The following ARMH1 variants were observed in gnomAD, a reference collection of about 807,000 sequenced individuals.
ARMH1 encodes armadillo like helical domain containing 1.
Under a neutral mutation model 50.2 loss-of-function variants are expected in ARMH1, and 34 were observed. The observed-to-expected ratio is 0.68, with a 90% CI of 0.51 to 0.90. The LOEUF (loss-of-function observed/expected upper bound fraction) is 0.90, where lower values mean the gene tolerates loss of function less well. Ranked by LOEUF, ARMH1 falls within the 40% of genes least tolerant of loss-of-function variation. The probability of loss-of-function intolerance (pLI) is 0.00; values close to 1 mark genes in which losing one functional copy is unlikely to be tolerated. For missense variants in ARMH1, 538 were observed against 553.9 expected (o/e 0.97, Z 0.29); for synonymous variants, 221 against 224.2 (o/e 0.99, Z 0.13).
At chr1:44,710,461 T>C (rs1646553648) in intron 6 of ARMH1, among the ~76,000 whole-genome samples, 1 of 151,572 alleles carries the variant, frequency 6.6e-6, no homozygotes. Flanking sequence ...TACAAAAAAT[T>C]AGCCGGGCGT....
At chr1:44,678,497 T>C (rs1027430944) in intron 1 of ARMH1, among the ~76,000 whole-genome samples, 23 of 151,964 alleles carry the variant, frequency 1.5e-4, no homozygotes, top group African/African-American at 5.1e-4. Context: ...AGAGGGTCCA[T>C]GAGAAGGAAG....
At chr1:44,708,252 A>G (rs1354416212) in intron 6 of ARMH1, among the ~76,000 whole-genome samples, 3 of 152,148 alleles carry the variant, frequency 2.0e-5, no homozygotes, top group African/African-American at 7.2e-5. Flanking sequence ...TTTGAGTTTG[A>G]GTATACCAAA....
At position 44,724,162 on chromosome 1, in the gene ARMH1, C is replaced by T; in HGVS notation, c.765C>T (p.Arg255=). ...LIKDLVGYDV[R]QALLKGLVAL... is the part of the protein sequence containing the mutation. ...AAGACCTGGTCGGTTACGATGTGCG[C>T]CAGGCGCTGCTCAAGGGCCTCGTGG... The change falls in exon 7 of 12, where the codon CGC becomes CGT. Residue 255 remains arginine (R), a synonymous_variant. Coordinates refer to ENST00000535358, the MANE Select transcript of ARMH1 (RefSeq NM_001145636.2). This position sits in a 1 kb window ranked among gnomAD's most constrained non-coding sequence, Gnocchi z 6.4. 6.4e-7 allele frequency: 1 copy of T among 1,551,730 alleles called. No individual in the cohort carries two copies. The highest frequency in any genetic ancestry group is 8.7e-7 in the Non-Finnish European group (1 of 1,146,992).
At position 44,697,100 on chromosome 1, in the gene ARMH1, A is replaced by G; in HGVS notation, c.207-2A>G. 1.3e-6 allele frequency: 2 copies of G among 1,551,084 alleles called. No homozygotes were observed. The highest frequency in any genetic ancestry group is 1.7e-6 in the Non-Finnish European group (2 of 1,146,022). ...AAACTCACTCTTTAACGTGTCATAC[A>G]GCTATATGACTGACTCATGTTTAGA... is the stretch of plus-strand genomic sequence containing the variant. On this transcript the variant is annotated splice_acceptor_variant, in intron 2 of 11. Coordinates refer to ENST00000535358, the MANE Select transcript of ARMH1 (RefSeq NM_001145636.2). LOFTEE classifies it high-confidence loss of function.
chr1:44,708,873 C>A (rs547929826), intron 6 of ARMH1, among the ~76,000 whole-genome samples: 16 of 152,154 alleles, frequency 1.1e-4, no homozygotes, highest in Non-Finnish European at 1.9e-4. Context: ...CACATTCCCT[C>A]AAAGACTTCC....
At chr1:44,714,325 C>A (rs964752118) in intron 6 of ARMH1, among the ~76,000 whole-genome samples, 5 of 151,114 alleles carry the variant, frequency 3.3e-5, no homozygotes, top group Non-Finnish European at 7.4e-5. Flanking sequence ...GTGGCTCATG[C>A]CTGTAATCTC....
intron 6 of ARMH1, chr1:44,721,636 G>A (rs757142210): frequency 3.9e-5 from 6 of 152,168 alleles, no homozygotes; most frequent in Admixed American, 6.5e-5. Flanking sequence ...GGCTGAGGTG[G>A]GAGGATTGCT....
intron 6 of ARMH1, among the ~76,000 whole-genome samples, chr1:44,705,026 G>A (rs1646277486): frequency 2.0e-5 from 3 of 150,898 alleles, no homozygotes; most frequent in Admixed American, 1.3e-4. Flanking sequence ...TAGTGGAGAC[G>A]AGGTTTCGCT....
In ARMH1 at chr1:44,703,613, C is replaced by T. The variant is rs1267331653; in HGVS notation, c.640-476C>T. ...GCATGGTGGCGGGCACCTGTAATCC[C>T]AGCTACTCAGAGGCTGAAGCAGAAG... On this transcript the variant is annotated intron_variant, in intron 5 of 11. Coordinates refer to ENST00000535358, the MANE Select transcript of ARMH1 (RefSeq NM_001145636.2). Among the ~76,000 whole-genome samples the T allele has an allele frequency of 9.9e-5, 15 of 150,882 alleles. No homozygotes were observed. The East Asian group carries it at 2.6e-3, about 26-fold the overall frequency.
In ARMH1 at chr1:44,681,286, C is replaced by T. The variant is rs984760191; in HGVS notation, c.-23+6413C>T. Among the ~76,000 whole-genome samples the T allele has an allele frequency of 4.6e-5, 7 of 152,208 alleles. No individual in the cohort carries two copies. The highest frequency in any genetic ancestry group is 9.6e-5 in the African/African-American group (4 of 41,532). ...CTGGGATTACAAGCGTGAGCCACTG[C>T]GCCCGGCCGTGAGGCTCCATTTCTA... On this transcript the variant is annotated intron_variant, in intron 1 of 11. Coordinates refer to ENST00000535358, the MANE Select transcript of ARMH1 (RefSeq NM_001145636.2). This position sits in a 1 kb window ranked among gnomAD's most constrained non-coding sequence, Gnocchi z 4.3.
intron 2 of ARMH1, among the ~76,000 whole-genome samples, chr1:44,695,170 C>G (rs745743234): frequency 6.6e-6 from 1 of 152,190 alleles, no homozygotes; most frequent in Non-Finnish European, 1.5e-5. Context: ...TGCCTAGGTT[C>G]AAATCCCGGT....
intron 6 of ARMH1, among the ~76,000 whole-genome samples, chr1:44,722,111 T>G (rs1647336251): frequency 6.6e-6 from 1 of 152,232 alleles, no homozygotes; most frequent in Non-Finnish European, 1.5e-5. Context: ...GTATCTACAA[T>G]GCATTCTGGG....
chr1:44,724,720 C>T lies in ARMH1; in HGVS notation c.1051-42C>T. The T allele has an allele frequency of 6.7e-7, 1 of 1,496,430 alleles. No homozygotes were observed. The highest frequency in any genetic ancestry group is 8.9e-7 in the Non-Finnish European group (1 of 1,129,298). 92.7% of individuals were successfully genotyped at this position (1,496,430 alleles called of 1,614,324 possible). A position where few individuals can be genotyped will look rare whatever the true frequency, so the allele number is the denominator to read the frequency against. On this transcript the variant is annotated intron_variant, in intron 9 of 11. Transcript: ENST00000535358. The surrounding 1 kb of genome is among the most constrained non-coding windows in gnomAD (Gnocchi z 6.4). ...GGGAAGGGCGGCGGCACCCGCAGCC[C>T]CGTCGCCCCCGCAGTCACGCCGCCT...
At chr1:44,689,999 C>T (rs1056710742) in intron 2 of ARMH1, 96 bp downstream of exon 2, 24 of 1,086,288 alleles carry the variant, frequency 2.2e-5, no homozygotes, top group South Asian at 5.8e-5. Flanking sequence ...GTGGGCAGAT[C>T]ACAAGGTCAG....
chr1:44,721,939 A>G (rs979125784), intron 6 of ARMH1: 3 of 152,166 alleles, frequency 2.0e-5, no homozygotes, highest in Non-Finnish European at 4.4e-5. Context: ...CCAGCTATTG[A>G]CTGGTCTCCC....
chr1:44,703,959 C>T, intron 5 of ARMH1, 130 bp from the exon 6 acceptor site: 2 of 638,846 alleles, frequency 3.1e-6, no homozygotes, highest in East Asian at 6.3e-5. Context: ...ATCTCCTGAC[C>T]TCGTGATCTG....
At chr1:44,710,871 C>T (rs148134891) in intron 6 of ARMH1, among the ~76,000 whole-genome samples, 1 of 152,306 alleles carries the variant, frequency 6.6e-6, no homozygotes, top group African/African-American at 2.4e-5. Flanking sequence ...CCTCCAGTCC[C>T]TGGGAAGCCC....
At chr1:44,709,513 A>C (rs1359523498) in intron 6 of ARMH1, among the ~76,000 whole-genome samples, 1 of 152,098 alleles carries the variant, frequency 6.6e-6, no homozygotes, top group Non-Finnish European at 1.5e-5. Context: ...TCTACTAAAA[A>C]TACAAAAAAT....
At chr1:44,703,580 T>A (rs1310167587) in intron 5 of ARMH1, among the ~76,000 whole-genome samples, 26 of 99,472 alleles carry the variant, frequency 2.6e-4, no homozygotes, top group Middle Eastern at 5.7e-3. Context: ...AAAAAAAAAA[T>A]TAGCTGGGCA....
Sources: gnomAD v4.1 joint callset for allele counts (sites outside exome capture counted in the v4.1 genomes callset) on GRCh38, gnomAD v4.1.1 for gene constraint, Gnocchi (gnomAD v3.1) non-coding constraint, MANE v1.5 for transcripts, NCBI Gene and HGNC (gene_info 2026-07-23, HGNC 2026-07-21) for gene names.